Variants in KLHL15 observed in about 807,000 individuals in gnomAD.
KLHL15 encodes kelch like family member 15, also known as kelch-like protein 15.
KLHL15 carries 1 observed loss-of-function variant against 29.3 expected under a neutral mutation model. That is an observed-to-expected ratio of 0.03 (90% CI 0.01 to 0.16). KLHL15 has a LOEUF of 0.16. Ranked by LOEUF, KLHL15 falls within the 10% of genes least tolerant of loss-of-function variation. The pLI is 1.00. For synonymous variants in KLHL15, 212 were observed against 184.5 expected, an observed-to-expected ratio of 1.15 and a Z score of -1.21; for missense variants, 215 against 478.5, an observed-to-expected ratio of 0.45 and a Z score of 5.14.
At chrX:23,997,778 A>G (rs1473597443) in intron 3 of KLHL15, among the ~76,000 whole-genome samples, 3 of 105,858 alleles carry the variant, frequency 2.8e-5, no homozygotes, top group Non-Finnish European at 3.9e-5. Flanking sequence ...AATTTTAGAA[A>G]AAGAAACTAA....
Position 23,992,337 on chromosome X carries a change from CTAT to C in KLHL15, c.706-3310_706-3308del, listed in dbSNP as rs749922316. ...TGCAAAAAGTATCAGCTATTATTAG[CTAT>C]TATTAATGACCAGGGCACATTTGCA... On this transcript the variant is annotated intron_variant, in intron 3 of 3. Coordinates refer to ENST00000328046, the MANE Select transcript of KLHL15 (RefSeq NM_030624.3). Among the ~76,000 whole-genome samples the C allele has an allele frequency of 2.0e-4, 22 of 112,298 alleles. No individual in the cohort carries two copies. The Middle Eastern group carries it at 0.014, about 70-fold the overall frequency.
At chrX:23,992,506 T>C (rs777730344) in intron 3 of KLHL15, among the ~76,000 whole-genome samples, 13 of 112,132 alleles carry the variant, frequency 1.2e-4, no homozygotes, top group African/African-American at 3.9e-4. Flanking sequence ...TGATTGGTAA[T>C]GTGCAAATGG....
intron 2 of KLHL15, among the ~76,000 whole-genome samples, chrX:24,019,458 G>A (rs1929759559): frequency 9.1e-6 from 1 of 110,379 alleles, no homozygotes; most frequent in Non-Finnish European, 1.9e-5. Flanking sequence ...GTTTCACCAT[G>A]TTGCCCAGGC....
chrX:24,019,319 A>C (rs1929756580), intron 2 of KLHL15, among the ~76,000 whole-genome samples: 2 of 111,676 alleles, frequency 1.8e-5, no homozygotes. Context: ...GCTGGAGTAC[A>C]GTGGCATGAT....
intron 3 of KLHL15, among the ~76,000 whole-genome samples, chrX:23,999,303 T>C (rs777405098): frequency 9.1e-6 from 1 of 109,569 alleles, no homozygotes; most frequent in African/African-American, 3.3e-5. Flanking sequence ...CATCTTTAAT[T>C]TAAAAAGAGA....
chrX:24,001,017 G>A (rs1332545345), intron 3 of KLHL15, among the ~76,000 whole-genome samples: 2 of 112,186 alleles, frequency 1.8e-5, no homozygotes, highest in African/African-American at 3.2e-5. Context: ...TAAATTCTCT[G>A]TAAGTTACAG....
chrX:23,995,757 G>GA (rs1314235007), intron 3 of KLHL15, among the ~76,000 whole-genome samples: 15 of 104,244 alleles, frequency 1.4e-4, no homozygotes, highest in African/African-American at 3.5e-4. Context: ...CTTTTTGAAA[G>GA]AAAAAAAAAA....
intron 3 of KLHL15, among the ~76,000 whole-genome samples, chrX:23,999,463 C>T (rs927163615): frequency 9.2e-6 from 1 of 108,742 alleles, no homozygotes; most frequent in African/African-American, 3.3e-5. Flanking sequence ...GGCGCGGTGG[C>T]GGGCGCCTGT....
chrX:24,025,304 C>G (rs1929902300), intron 1 of KLHL15, among the ~76,000 whole-genome samples: 2 of 107,401 alleles, frequency 1.9e-5, no homozygotes, highest in South Asian at 8.0e-4. Context: ...CGAAGCGCGC[C>G]GAGCCTCGGG....
chrX:23,996,251 G>A (rs1281407241), intron 3 of KLHL15, among the ~76,000 whole-genome samples: 1 of 111,489 alleles, frequency 9.0e-6, no homozygotes, highest in Non-Finnish European at 1.9e-5. Flanking sequence ...TAACCTAATC[G>A]CTCGAATGAC....
intron 2 of KLHL15, among the ~76,000 whole-genome samples, chrX:24,007,506 A>ATATATATAT (rs1320532694): frequency 8.1e-4 from 47 of 58,285 alleles, no homozygotes; most frequent in African/African-American, 3.4e-3. Flanking sequence ...AAAAAAAAAA[A>ATATATATAT]AAATATATAT....
Position 23,983,783 on chromosome X carries a change from A to G in KLHL15, c.*4138T>C, listed in dbSNP as rs891455096. 4 of 112,224 alleles carry G rather than the reference A, an allele frequency of 3.6e-5. No homozygotes were observed. The highest frequency in any genetic ancestry group is 9.7e-5 in the African/African-American group (3 of 30,947). 9.2% of individuals were successfully genotyped at this position (112,224 alleles called of 1,213,427 possible). A position where few individuals can be genotyped will look rare whatever the true frequency, so the allele number is the denominator to read the frequency against. ...ATAAACACTTTTAACATTTTTTTCAATTTAAAAACAGAATGGATAGCATAA... is the reference window on the plus strand; with the variant it reads ...ATAAACACTTTTAACATTTTTTTCAGTTTAAAAACAGAATGGATAGCATAA... On this transcript the variant is annotated 3_prime_UTR_variant, in exon 4 of 4. Coordinates refer to ENST00000328046, the MANE Select transcript of KLHL15 (RefSeq NM_030624.3).
chrX:24,000,988 G>A (rs1405374474), intron 3 of KLHL15, among the ~76,000 whole-genome samples: 2 of 112,131 alleles, frequency 1.8e-5, no homozygotes, highest in African/African-American at 6.5e-5. Flanking sequence ...CCGGCCCAAA[G>A]TTGTGAATAT....
intron 3 of KLHL15, among the ~76,000 whole-genome samples, chrX:23,990,875 A>C (rs1211280570): frequency 9.0e-6 from 1 of 111,155 alleles, no homozygotes; most frequent in Admixed American, 9.7e-5. Flanking sequence ...AAAACAAAAA[A>C]CGTCACAAAT....
At chrX:24,007,506 A>ATAT (rs1320532694) in intron 2 of KLHL15, among the ~76,000 whole-genome samples, 80 of 58,319 alleles carry the variant, frequency 1.4e-3, no homozygotes, top group Non-Finnish European at 1.9e-3. Context: ...AAAAAAAAAA[A>ATAT]AAATATATAT....
chrX:24,026,535 G>C (rs1929937203), intron 1 of KLHL15, among the ~76,000 whole-genome samples: 1 of 111,030 alleles, frequency 9.0e-6, no homozygotes, highest in Non-Finnish European at 1.9e-5. Context: ...ATTGCCCATA[G>C]CAGATCCTAA....
At chrX:23,992,644 G>C (rs932549853) in intron 3 of KLHL15, among the ~76,000 whole-genome samples, 1 of 112,208 alleles carries the variant, frequency 8.9e-6, no homozygotes, top group African/African-American at 3.2e-5. Flanking sequence ...TCCAAGATCA[G>C]AAACTGTGTA....
intron 3 of KLHL15, among the ~76,000 whole-genome samples, chrX:24,004,489 AAAAT>A (rs1929403510): frequency 8.9e-6 from 1 of 112,498 alleles, no homozygotes; most frequent in African/African-American, 3.2e-5. Flanking sequence ...CACTAAACAA[AAAAT>A]AAAAGAAATA....
At chrX:23,993,999 A>G (rs762550106) in intron 3 of KLHL15, among the ~76,000 whole-genome samples, 1 of 106,920 alleles carries the variant, frequency 9.4e-6, no homozygotes, top group South Asian at 4.3e-4. Flanking sequence ...GTGAGCCATG[A>G]TAGTGCCACT....
Sources: allele counts gnomAD v4.1 joint callset (sites outside exome capture counted in the v4.1 genomes callset), GRCh38; gene constraint gnomAD v4.1.1; transcripts MANE v1.5; gene names NCBI Gene and HGNC (gene_info 2026-07-23, HGNC 2026-07-21).